Variants in PRMT8 observed in about 807,000 individuals in gnomAD.
The protein encoded by PRMT8 is protein arginine N-methyltransferase 8.
PRMT8 carries 7 observed loss-of-function variants against 47.1 expected under a neutral mutation model. The observed-to-expected ratio is 0.15, with a 90% CI of 0.08 to 0.28. The LOEUF (loss-of-function observed/expected upper bound fraction) is 0.28. Ranked by LOEUF, PRMT8 falls within the 10% of genes least tolerant of loss-of-function variation. The probability of loss-of-function intolerance (pLI) is 1.00; values close to 1 mark genes in which losing one functional copy is unlikely to be tolerated. For missense variants in PRMT8, 237 were observed against 505.4 expected (o/e 0.47, Z 5.09); for synonymous variants, 188 against 186.5 (o/e 1.01, Z -0.07).
chr12:3,519,681 G>T (rs1263509966), intron 1 of PRMT8, among the ~76,000 whole-genome samples: 1 of 152,220 alleles, frequency 6.6e-6, no homozygotes, highest in East Asian at 1.9e-4. Flanking sequence ...GCAGCTGTCA[G>T]TAAGGCTGCA....
chr12:3,481,933 A>G (rs1303158894), intron 1 of PRMT8, among the ~76,000 whole-genome samples: 1 of 152,232 alleles, frequency 6.6e-6, no homozygotes, highest in Non-Finnish European at 1.5e-5. Context: ...CTATGATTCT[A>G]CATGACTAGA....
intron 1 of PRMT8, among the ~76,000 whole-genome samples, chr12:3,516,440 G>C (rs1393678375): frequency 6.6e-6 from 1 of 152,214 alleles, no homozygotes; most frequent in Admixed American, 6.5e-5. Flanking sequence ...TAGTACAGAG[G>C]AGCCTGATGC....
chr12:3,593,741 TGC>T lies in PRMT8; in HGVS notation c.*561_*562del. On this transcript the variant is annotated 3_prime_UTR_variant, in exon 10 of 10. Coordinates refer to ENST00000382622, the MANE Select transcript of PRMT8 (RefSeq NM_019854.5). The surrounding 1 kb of genome is among the most constrained non-coding windows in gnomAD (Gnocchi z 4.8). Reference sequence around the variant, plus strand: ...TCTCTCAGAGGGGTGTGTGTGTGTGTGCGTGCGCGTGTGCCTAGAATATATAT... The same window carrying T: ...TCTCTCAGAGGGGTGTGTGTGTGTGTGTGCGCGTGTGCCTAGAATATATAT... 5 of 156,622 alleles carry T rather than the reference TGC, an allele frequency of 3.2e-5. No homozygotes were observed. Among genetic ancestry groups the T allele is most frequent in the South Asian group, 2.0e-4 (1 of 5,056 alleles). The allele number at this position is 156,622 out of a possible 1,614,324, so 9.7% of individuals were successfully genotyped here. A position where few individuals can be genotyped will look rare whatever the true frequency, so the allele number is the denominator to read the frequency against.
At chr12:3,421,144 T>G (rs1413014398) in intron 1 of PRMT8, among the ~76,000 whole-genome samples, 1 of 152,230 alleles carries the variant, frequency 6.6e-6, no homozygotes, top group East Asian at 1.9e-4. Flanking sequence ...ACATAATTGT[T>G]TTTTTAAAAT....
intron 1 of PRMT8, among the ~76,000 whole-genome samples, chr12:3,441,051 TTTGAA>T (rs1864796276): frequency 6.6e-6 from 1 of 152,172 alleles, no homozygotes; most frequent in African/African-American, 2.4e-5. Flanking sequence ...AAATGGAACT[TTTGAA>T]TTGATTATCA....
chr12:3,410,580 C>T (rs750594102), intron 1 of PRMT8, among the ~76,000 whole-genome samples: 1 of 152,224 alleles, frequency 6.6e-6, no homozygotes, highest in Non-Finnish European at 1.5e-5. Flanking sequence ...ACGATCTCGG[C>T]TCACTGCAAC....
At chr12:3,584,844 G>A (rs1268107958) in intron 8 of PRMT8, among the ~76,000 whole-genome samples, 2 of 152,108 alleles carry the variant, frequency 1.3e-5, no homozygotes, top group African/African-American at 2.4e-5. Context: ...GGTGTCTTAC[G>A]TAAGCATAGT....
chr12:3,525,456 T>G (rs1390402617), intron 1 of PRMT8, among the ~76,000 whole-genome samples: 1 of 152,178 alleles, frequency 6.6e-6, no homozygotes, highest in African/African-American at 2.4e-5. Context: ...GCATTCTGAA[T>G]CTTCCTACTT....
chr12:3,557,419 C>T lies in PRMT8; in HGVS notation c.481+3705C>T, dbSNP rs1004499448. ...TTGTGACAAAGGCTGGGGCGAGGGG[C>T]GGGCAGCATGTCTAGTGGCCACAAG... On this transcript the variant is annotated intron_variant, in intron 4 of 9. Transcript: ENST00000382622. This position sits in a 1 kb window ranked among gnomAD's most constrained non-coding sequence, Gnocchi z 4.7. 3.3e-5 allele frequency among the ~76,000 whole-genome samples: 5 copies of T among 152,038 alleles called. No individual in the cohort carries two copies. The highest frequency in any genetic ancestry group is 4.2e-4 in the South Asian group (2 of 4,818).
rs1025360903 is a variant in PRMT8, at chr12:3,492,124, C to A, written c.75+424C>A. On this transcript the variant is annotated intron_variant, in intron 1 of 9. Coordinates refer to ENST00000382622, the MANE Select transcript of PRMT8 (RefSeq NM_019854.5). The surrounding 1 kb of genome is among the most constrained non-coding windows in gnomAD (Gnocchi z 7.5). ...GGTAATCCTGGGGCCAGGTCTGCCC[C>A]CTGCAGTGCCTTGACCGTCTCCTGC... 6.6e-6 allele frequency among the ~76,000 whole-genome samples: 1 copy of A among 152,010 alleles called. No individual in the cohort carries two copies. The highest frequency in any genetic ancestry group is 2.0e-4 in the East Asian group (1 of 5,108).
intron 1 of PRMT8, among the ~76,000 whole-genome samples, chr12:3,425,840 G>C (rs1366694133): frequency 6.6e-6 from 1 of 152,260 alleles, no homozygotes; most frequent in Non-Finnish European, 1.5e-5. Context: ...TTATTCGGCA[G>C]AGTGCCCAGT....
chr12:3,419,607 T>C (rs1864517706), intron 1 of PRMT8, among the ~76,000 whole-genome samples: 1 of 151,882 alleles, frequency 6.6e-6, no homozygotes. Flanking sequence ...AGTATTTGAT[T>C]TGCTCACTAT....
chr12:3,527,916 AT>A (rs1865971344), intron 1 of PRMT8, among the ~76,000 whole-genome samples: 1 of 152,168 alleles, frequency 6.6e-6, no homozygotes, highest in Non-Finnish European at 1.5e-5. Flanking sequence ...TGGGTATAGA[AT>A]TCTAAGTTGA....
At chr12:3,386,403 T>C (rs950571987) in intron 1 of PRMT8, among the ~76,000 whole-genome samples, 15 of 152,220 alleles carry the variant, frequency 9.9e-5, no homozygotes, top group Non-Finnish European at 4.4e-5. Flanking sequence ...CATTATGCCG[T>C]TCCTCTTACT....
chr12:3,437,781 A>G (rs946026743), intron 1 of PRMT8, among the ~76,000 whole-genome samples: 1 of 152,062 alleles, frequency 6.6e-6, no homozygotes, highest in African/African-American at 2.4e-5. Flanking sequence ...AAGGTCGTCT[A>G]GCCTCAAGGC....
At chr12:3,568,901 C>G in intron 5 of PRMT8, 53 bp downstream of exon 5, 2 of 1,608,320 alleles carry the variant, frequency 1.2e-6, no homozygotes, top group Non-Finnish European at 8.5e-7. Context: ...TCCTGCTCCT[C>G]TACCCAAGGC....
chr12:3,558,315 C>T lies in PRMT8; in HGVS notation c.481+4601C>T, dbSNP rs369843317. Among the ~76,000 whole-genome samples, 6 of 151,942 alleles carry T rather than the reference C, an allele frequency of 3.9e-5. 1 individual carries two copies. Among genetic ancestry groups the T allele is most frequent in the African/African-American group, 4.8e-5 (2 of 41,354 alleles). ...AAATACTCAATATACAGAAAAGGTGCGCACACAGCCGGGTTTTTATGGAAT... is the reference window on the plus strand; with the variant it reads ...AAATACTCAATATACAGAAAAGGTGTGCACACAGCCGGGTTTTTATGGAAT... On this transcript the variant is annotated intron_variant, in intron 4 of 9. Coordinates refer to ENST00000382622, the MANE Select transcript of PRMT8 (RefSeq NM_019854.5).
chr12:3,384,640 CT>C (rs879926879), intron 1 of PRMT8, among the ~76,000 whole-genome samples: 1 of 151,820 alleles, frequency 6.6e-6, no homozygotes, highest in Non-Finnish European at 1.5e-5. Context: ...GGATGTTCTC[CT>C]TTTTTTTAAT....
At chr12:3,455,587 T>A (rs753022534) in intron 1 of PRMT8, among the ~76,000 whole-genome samples, 2 of 152,092 alleles carry the variant, frequency 1.3e-5, no homozygotes, top group Admixed American at 6.5e-5. Context: ...GGTGTGTGCA[T>A]GGAGGAGGCA....
Sources: allele counts gnomAD v4.1 joint callset (sites outside exome capture counted in the v4.1 genomes callset), GRCh38; gene constraint gnomAD v4.1.1; non-coding constraint Gnocchi (gnomAD v3.1); transcripts MANE v1.5; gene names NCBI Gene and HGNC (gene_info 2026-07-23, HGNC 2026-07-21).